The following CERS3 variants were observed in gnomAD, a reference collection of about 807,000 sequenced individuals.
The protein encoded by CERS3 is LAG1 homolog, ceramide synthase 3.
Under a neutral mutation model 50.3 loss-of-function variants are expected in CERS3, and 33 were observed. That is an observed-to-expected ratio of 0.66 (90% confidence interval 0.50 to 0.88). The LOEUF (loss-of-function observed/expected upper bound fraction) is 0.88, where lower values mean the gene tolerates loss of function less well. Among genes scored for constraint, CERS3 ranks in the 40% least tolerant of loss-of-function variants. The probability of loss-of-function intolerance (pLI) is 0.00; values close to 1 mark genes in which losing one functional copy is unlikely to be tolerated. For missense variants in CERS3, 470 were observed against 460.3 expected, an observed-to-expected ratio of 1.02 and a Z score of -0.19; for synonymous variants, 176 against 155.2, an observed-to-expected ratio of 1.13 and a Z score of -0.99.
intron 2 of CERS3, among the ~76,000 whole-genome samples, chr15:100,504,415 G>A (rs997590262): frequency 2.0e-5 from 3 of 151,816 alleles, no homozygotes; most frequent in South Asian, 2.1e-4. Flanking sequence ...AGCTAATTTC[G>A]TATTTTTAGT....
intron 5 of CERS3, among the ~76,000 whole-genome samples, chr15:100,483,787 A>ATTTATTTTTTT (rs1555530337): frequency 1.0e-5 from 1 of 100,040 alleles, no homozygotes; most frequent in East Asian, 3.2e-4. Context: ...TATTATTATT[A>ATTTATTTTTTT]TTTTTTTTTT....
intron 5 of CERS3, 89 bp from the exon 6 acceptor site, chr15:100,480,135 A>G (rs1237331667): frequency 2.1e-6 from 2 of 949,064 alleles, no homozygotes; most frequent in African/African-American, 3.3e-5. Context: ...TTTTACAAAG[A>G]ACACACATTC....
At chr15:100,511,353 T>C (rs2036333445) in intron 2 of CERS3, among the ~76,000 whole-genome samples, 2 of 152,182 alleles carry the variant, frequency 1.3e-5, no homozygotes, top group Admixed American at 1.3e-4. Flanking sequence ...AGAAAATATC[T>C]GCAACACAAA....
intron 11 of CERS3, among the ~76,000 whole-genome samples, chr15:100,451,647 CA>C (rs1361952965): frequency 1.6e-4 from 25 of 152,234 alleles, no homozygotes; most frequent in African/African-American, 6.0e-4. Context: ...GCGGAGCTTG[CA>C]GTGAGCCAAG....
intron 3 of CERS3, among the ~76,000 whole-genome samples, chr15:100,499,837 AT>A (rs2035945020): frequency 6.6e-6 from 1 of 152,220 alleles, no homozygotes; most frequent in South Asian, 2.1e-4. Flanking sequence ...AAGTCTAAGA[AT>A]TACTGAAACA....
chr15:100,461,404 G>A (rs1250916428), intron 10 of CERS3, among the ~76,000 whole-genome samples: 2 of 152,150 alleles, frequency 1.3e-5, no homozygotes, highest in East Asian at 3.9e-4. Flanking sequence ...GAGGCCAGTG[G>A]AATTGGCGCT....
intron 10 of CERS3, among the ~76,000 whole-genome samples, chr15:100,461,824 A>G (rs998740095): frequency 6.6e-6 from 1 of 152,116 alleles, no homozygotes; most frequent in Admixed American, 6.5e-5. Flanking sequence ...GACAGAGGGG[A>G]CTGGAGGCCA....
intron 11 of CERS3, among the ~76,000 whole-genome samples, chr15:100,414,702 G>C (rs183937634): frequency 1.2e-4 from 19 of 152,060 alleles, no homozygotes; most frequent in Admixed American, 4.6e-4. Context: ...TTAATAAATG[G>C]TGCTGGGAAA....
At chr15:100,425,405 C>A (rs374440493) in intron 11 of CERS3, among the ~76,000 whole-genome samples, 2 of 152,240 alleles carry the variant, frequency 1.3e-5, no homozygotes, top group African/African-American at 2.4e-5. Context: ...TAGGAGCCCA[C>A]CCCTAGTATC....
At chr15:100,530,063 G>A (rs535878280), upstream of CERS3, among the ~76,000 whole-genome samples, 19 of 152,228 alleles carry the variant, frequency 1.2e-4, no homozygotes, top group East Asian at 2.9e-3. Context: ...CTTTCTCTTC[G>A]AAGACGTTCT....
intron 3 of CERS3, among the ~76,000 whole-genome samples, chr15:100,497,306 A>ATGTGTGTGTG (rs139734142): frequency 0.011 from 1,662 of 145,920 alleles, 23 homozygotes; most frequent in Non-Finnish European, 0.013. Flanking sequence ...GCATATATGT[A>ATGTGTGTGTG]TGTGTGTGTG....
chr15:100,408,463 T>A (rs1370322543), intron 11 of CERS3: 4 of 152,226 alleles, frequency 2.6e-5, no homozygotes, highest in Non-Finnish European at 5.9e-5. Context: ...ATTTCACACA[T>A]GAAATGCATA....
At chr15:100,524,918 G>A (rs2036743373) in intron 1 of CERS3, among the ~76,000 whole-genome samples, 1 of 152,130 alleles carries the variant, frequency 6.6e-6, no homozygotes, top group Admixed American at 6.5e-5. Flanking sequence ...TCCCAGCAGA[G>A]AATTAAATGG....
intron 11 of CERS3, among the ~76,000 whole-genome samples, chr15:100,442,426 T>C (rs1357595272): frequency 6.6e-6 from 1 of 152,200 alleles, no homozygotes; most frequent in Non-Finnish European, 1.5e-5. Flanking sequence ...AGTAACAATG[T>C]ATTTCTGAGT....
chr15:100,520,566 A>T (rs1172391428), intron 2 of CERS3, among the ~76,000 whole-genome samples: 1 of 152,156 alleles, frequency 6.6e-6, no homozygotes, highest in Non-Finnish European at 1.5e-5. Context: ...GTGGCTTATA[A>T]TGCTTCCTCC....
At chr15:100,501,495 C>A (rs1017931198) in intron 3 of CERS3, among the ~76,000 whole-genome samples, 182 bp downstream of exon 3, 5 of 152,148 alleles carry the variant, frequency 3.3e-5, no homozygotes, top group Admixed American at 6.5e-5. Context: ...TTTTGTTGTT[C>A]AGCCTTTAAA....
chr15:100,413,246 A>G (rs2031623733), intron 11 of CERS3, among the ~76,000 whole-genome samples: 1 of 152,224 alleles, frequency 6.6e-6, no homozygotes, highest in Non-Finnish European at 1.5e-5. Context: ...CCAGGCAAAG[A>G]TCTGCAAAAA....
intron 11 of CERS3, among the ~76,000 whole-genome samples, chr15:100,443,860 G>C (rs896292146): frequency 2.0e-5 from 3 of 152,068 alleles, no homozygotes; most frequent in African/African-American, 7.3e-5. Flanking sequence ...TTAGATACCT[G>C]GTTTTGCCAT....
At position 100,406,512 on chromosome 15, in the gene CERS3, A is replaced by G. The variant is rs150812010; in HGVS notation, c.1000-3647T>C. 5.2e-3 allele frequency among the ~76,000 whole-genome samples: 795 copies of G among 152,330 alleles called. 7 individuals are homozygous for G. Among genetic ancestry groups the G allele is most frequent in the African/African-American group, 0.018 (761 of 41,582 alleles). The stretch of plus-strand genomic sequence containing the variant: ...ACAGAAATTCAACTTCATGGGGCTC[A>G]TCTCTGTATGTTCGGTGCTTTTCCA... On this transcript the variant is annotated intron_variant, in intron 11 of 11. Coordinates refer to ENST00000679737, the MANE Select transcript of CERS3 (RefSeq NM_001378789.1).
Sources: allele counts gnomAD v4.1 joint callset (sites outside exome capture counted in the v4.1 genomes callset), GRCh38; gene constraint gnomAD v4.1.1; transcripts MANE v1.5; gene names NCBI Gene and HGNC (gene_info 2026-07-23, HGNC 2026-07-21).